The following DR1 variants were observed in gnomAD, a reference collection of about 807,000 sequenced individuals.
DR1 encodes the protein protein Dr1.
Under a neutral mutation model 19.9 loss-of-function variants are expected in DR1, and 7 were observed. That is an observed-to-expected ratio of 0.35 (90% CI 0.20 to 0.66). DR1 has a LOEUF of 0.66. DR1 is among the 30% of genes least tolerant of loss of function. The pLI, the probability that DR1 is intolerant of heterozygous loss-of-function variation, is 0.66. For synonymous variants in DR1, 76 were observed against 72.5 expected (o/e 1.05, Z -0.24); for missense variants, 98 against 203.7 (o/e 0.48, Z 3.16).
intron 2 of DR1, among the ~76,000 whole-genome samples, chr1:93,354,803 A>C (rs1389218285): frequency 6.6e-6 from 1 of 152,184 alleles, no homozygotes; most frequent in Non-Finnish European, 1.5e-5. Flanking sequence ...AGCCATAACA[A>C]TCAGTTTGGT....
intron 2 of DR1, among the ~76,000 whole-genome samples, chr1:93,360,190 C>T (rs926858040): frequency 2.0e-5 from 3 of 151,882 alleles, no homozygotes; most frequent in Admixed American, 6.6e-5. Context: ...ATATTGGTTC[C>T]ACTTTTTCAA....
chr1:93,363,267 T>C lies in DR1; in HGVS notation c.*2628T>C, dbSNP rs1191272749. On this transcript the variant is annotated 3_prime_UTR_variant, in exon 3 of 3. Coordinates refer to ENST00000370272, the MANE Select transcript of DR1 (RefSeq NM_001938.3). ...TTAGTTTTGCCTGTTTTTTATTTTA[T>C]GTAAATGTAATCATACATAATACAC... The C allele has an allele frequency of 6.6e-6, 1 of 152,354 alleles. No homozygotes were observed. Among genetic ancestry groups the C allele is most frequent in the South Asian group, 2.1e-4 (1 of 4,834 alleles). 9.4% of individuals were successfully genotyped at this position (152,354 alleles called of 1,614,324 possible).
In DR1 at chr1:93,346,619, C is replaced by G. The variant is rs370801133; in HGVS notation, c.-27C>G. 33 of 1,602,072 alleles carry G rather than the reference C, an allele frequency of 2.1e-5. No homozygotes were observed. The highest frequency in any genetic ancestry group is 3.3e-5 in the Admixed American group (2 of 59,878). ...ACCAGAGCTGGGGAGTTTTTAAAAG[C>G]CGGGGCGCGAGAAACAGGAAGGTAC... On this transcript the variant is annotated 5_prime_UTR_variant, in exon 1 of 3. Coordinates refer to ENST00000370272, the MANE Select transcript of DR1 (RefSeq NM_001938.3).
intron 2 of DR1, chr1:93,355,576 G>A (rs1666970603): frequency 6.6e-6 from 1 of 152,162 alleles, no homozygotes; most frequent in Admixed American, 6.5e-5. Context: ...TTATTATGGG[G>A]CTTTTAAATA....
chr1:93,346,896 A>T, intron 1 of DR1, 31 bp downstream of exon 1: 1 of 1,565,720 alleles, frequency 6.4e-7, no homozygotes, highest in Non-Finnish European at 8.7e-7. Context: ...GGTTTGAATG[A>T]GGTTCTAGGG....
rs777514365 is a variant in DR1, at chr1:93,361,480, A to G, written c.*841A>G. On this transcript the variant is annotated 3_prime_UTR_variant, in exon 3 of 3. Transcript: ENST00000370272. ...TAGGTGGTACTTTTGAAACAATTAC[A>G]TTGGTTCTCTTGGTTTAACTGAGGT... is the stretch of plus-strand genomic sequence containing the variant. 3 of 152,566 alleles carry G rather than the reference A, an allele frequency of 2.0e-5. No individual in the cohort carries two copies. The highest frequency in any genetic ancestry group is 6.5e-5 in the Admixed American group (1 of 15,286). 9.5% of individuals were successfully genotyped at this position (152,566 alleles called of 1,614,324 possible).
In DR1 at chr1:93,354,222, T is replaced by G. The variant is rs1053258846; in HGVS notation, c.384+151T>G. The G allele has an allele frequency of 1.4e-4, 93 of 652,452 alleles. 1 individual carries two copies. In the South Asian group the frequency reaches 2.7e-3, roughly 19 times the overall value. The allele number at this position is 652,452 out of a possible 1,614,324, so 40.4% of individuals were successfully genotyped here. A position where few individuals can be genotyped will look rare whatever the true frequency, so the allele number is the denominator to read the frequency against. On this transcript the variant is annotated intron_variant, in intron 2 of 2. Transcript: ENST00000370272. ...TGTTCAGAGCTGACCAATTTGACTC[T>G]GGTTTATGTGAAAGTAAATATTTGC...
Position 93,365,344 on chromosome 1 carries a change from G to A in DR1, c.*4705G>A, listed in dbSNP as rs1667114965. The A allele has an allele frequency of 1.3e-5, 2 of 152,188 alleles. No individual in the cohort carries two copies. The highest frequency in any genetic ancestry group is 2.9e-5 in the Non-Finnish European group (2 of 68,040). The allele number at this position is 152,188 out of a possible 1,614,324, so 9.4% of individuals were successfully genotyped here. ...CTTAGAACAGGGTTTCTCAAACCAAGCATTGTTAGTATTTGGGGTTGGTTA... is the reference window on the plus strand; with the variant it reads ...CTTAGAACAGGGTTTCTCAAACCAAACATTGTTAGTATTTGGGGTTGGTTA... On this transcript the variant is annotated 3_prime_UTR_variant, in exon 3 of 3. Transcript: ENST00000370272.
intron 2 of DR1, chr1:93,355,709 CTTACCCTGACTTATGTATGAAGATCTCT>C (rs1666972318): frequency 6.6e-6 from 1 of 152,126 alleles, no homozygotes; most frequent in African/African-American, 2.4e-5. Context: ...TCCCTTGTTT[CTTACCCTGACTTATGTATGAAGATCTCT>C]AGTATTTCTT....
At chr1:93,352,215 G>A (rs1261813556) in intron 1 of DR1, among the ~76,000 whole-genome samples, 1 of 152,134 alleles carries the variant, frequency 6.6e-6, no homozygotes, top group African/African-American at 2.4e-5. Flanking sequence ...GACTACAGGC[G>A]CCTGCCACCA....
At chr1:93,347,437 A>G (rs1666863754) in intron 1 of DR1, among the ~76,000 whole-genome samples, 1 of 152,232 alleles carries the variant, frequency 6.6e-6, no homozygotes, top group Non-Finnish European at 1.5e-5. Context: ...ACGTTCATGA[A>G]TGAGTTACCA....
At position 93,364,150 on chromosome 1, in the gene DR1, T is replaced by C. The variant is rs912232906; in HGVS notation, c.*3511T>C. The C allele has an allele frequency of 2.6e-5, 4 of 152,242 alleles. No homozygotes were observed. Among genetic ancestry groups the C allele is most frequent in the African/African-American group, 9.6e-5 (4 of 41,458 alleles). 9.4% of individuals were successfully genotyped at this position (152,242 alleles called of 1,614,324 possible). A position where few individuals can be genotyped will look rare whatever the true frequency, so the allele number is the denominator to read the frequency against. ...GAATTACGCTAATGATCTTAGTGGG[T>C]TGAATTTCTCGAAACACCTAAATTG... On this transcript the variant is annotated 3_prime_UTR_variant, in exon 3 of 3. Coordinates refer to ENST00000370272, the MANE Select transcript of DR1 (RefSeq NM_001938.3).
chr1:93,368,058 T>C lies in DR1; in HGVS notation c.*7419T>C, dbSNP rs1055260467. 1 of 152,222 alleles carries C rather than the reference T, an allele frequency of 6.6e-6. No individual in the cohort carries two copies. The highest frequency in any genetic ancestry group is 2.4e-5 in the African/African-American group (1 of 41,456). The allele number at this position is 152,222 out of a possible 1,614,324, so 9.4% of individuals were successfully genotyped here. On this transcript the variant is annotated 3_prime_UTR_variant, in exon 3 of 3. Transcript: ENST00000370272. ...TTACATTAGTTGAGGACCTGCTGTATGTGATATGAACAATGAGGATCAACT... is the reference window on the plus strand; with the variant it reads ...TTACATTAGTTGAGGACCTGCTGTACGTGATATGAACAATGAGGATCAACT...
rs768806802 is a variant in DR1 at position 93,364,302 on chromosome 1, G to GA, written c.*3669dup. ...ATACTCATTAGGTTATTGCTCCTTA[G>GA]AAAAAATGCAAATTTTAAGTAATCG... On this transcript the variant is annotated 3_prime_UTR_variant, in exon 3 of 3. Transcript: ENST00000370272. 3.6e-4 allele frequency: 55 copies of GA among 152,256 alleles called. No individual in the cohort carries two copies. Among genetic ancestry groups the GA allele is most frequent in the Admixed American group, 3.5e-3 (54 of 15,294 alleles). The allele number at this position is 152,256 out of a possible 1,614,324, so 9.4% of individuals were successfully genotyped here.
chr1:93,355,115 G>C (rs1328049873), intron 2 of DR1: 1 of 152,034 alleles, frequency 6.6e-6, no homozygotes, highest in African/African-American at 2.4e-5. Flanking sequence ...TGATATTGCA[G>C]ACCACCTAGA....
At position 93,346,140 on chromosome 1, in the gene DR1, T is replaced by TA. The variant is rs1291891059; in HGVS notation, c.-506_-505insA. 1 of 222,606 alleles carries TA rather than the reference T, an allele frequency of 4.5e-6. No homozygotes were observed. The highest frequency in any genetic ancestry group is 2.4e-5 in the African/African-American group (1 of 41,416). The allele number at this position is 222,606 out of a possible 1,614,324, so 13.8% of individuals were successfully genotyped here. ...ACATGTTGTGAGGCGGCGGCGCGGG[T>TA]GTCTGAAGGATGGTTTGGCCGAGGC... On this transcript the variant is annotated 5_prime_UTR_variant, in exon 1 of 3. Coordinates refer to ENST00000370272, the MANE Select transcript of DR1 (RefSeq NM_001938.3).
intron 2 of DR1, among the ~76,000 whole-genome samples, chr1:93,356,394 A>G (rs1666985804): frequency 6.6e-6 from 1 of 152,118 alleles, no homozygotes; most frequent in Non-Finnish European, 1.5e-5. Context: ...GATGTGCACT[A>G]GTGAGCCCAG....
chr1:93,360,348 G>C, intron 2 of DR1, 145 bp from the exon 3 acceptor site: 1 of 664,626 alleles, frequency 1.5e-6, no homozygotes, highest in Non-Finnish European at 2.3e-6. Context: ...ATGTTCTCCA[G>C]ATGTGTGACA....
In DR1 at chr1:93,367,740, G is replaced by A. The variant is rs1295448316; in HGVS notation, c.*7101G>A. ...GTTATAATGAAATTACAGGCCGGGT[G>A]TGGTGGCTTACGCCTGTAATCCCAG... On this transcript the variant is annotated 3_prime_UTR_variant, in exon 3 of 3. Transcript: ENST00000370272. 6.6e-6 allele frequency: 1 copy of A among 152,332 alleles called. No homozygotes were observed. Among genetic ancestry groups the A allele is most frequent in the African/African-American group, 2.4e-5 (1 of 41,458 alleles). The allele number at this position is 152,332 out of a possible 1,614,324, so 9.4% of individuals were successfully genotyped here. A position where few individuals can be genotyped will look rare whatever the true frequency, so the allele number is the denominator to read the frequency against.
Sources: gnomAD v4.1 joint callset for allele counts (sites outside exome capture counted in the v4.1 genomes callset) on GRCh38, gnomAD v4.1.1 for gene constraint, MANE v1.5 for transcripts, NCBI Gene and HGNC (gene_info 2026-07-23, HGNC 2026-07-21) for gene names.